RYR3: variants seen among roughly 807,000 people sequenced by gnomAD.
RYR3 encodes the protein ryanodine receptor 3, also known as brain ryanodine receptor-calcium release channel.
RYR3 carries 207 observed loss-of-function variants against 584.3 expected under a neutral mutation model. That is an observed-to-expected ratio of 0.35 (90% CI 0.32 to 0.40). The LOEUF (loss-of-function observed/expected upper bound fraction) is 0.40, where lower values mean the gene tolerates loss of function less well. Ranked by LOEUF, RYR3 falls within the 10% of genes least tolerant of loss-of-function variation. RYR3 has a pLI of 1.00. For missense variants in RYR3, 5,616 were observed against 6,089.2 expected (o/e 0.92, Z 2.59); for synonymous variants, 2,416 against 2,248.5 (o/e 1.07, Z -2.11).
intron 1 of RYR3, among the ~76,000 whole-genome samples, chr15:33,451,278 C>T (rs1049867953): frequency 2.6e-5 from 4 of 152,154 alleles, no homozygotes; most frequent in Middle Eastern, 3.2e-3. Flanking sequence ...TCTATTCAAA[C>T]GGGCACCCTG....
intron 60 of RYR3, among the ~76,000 whole-genome samples, chr15:33,760,561 A>G (rs1228170685): frequency 6.6e-6 from 1 of 152,234 alleles, no homozygotes; most frequent in African/African-American, 2.4e-5. Flanking sequence ...TAACTATCCT[A>G]AATATATGTG....
chr15:33,572,097 T>G (rs1183507822), intron 12 of RYR3, among the ~76,000 whole-genome samples: 3 of 152,226 alleles, frequency 2.0e-5, no homozygotes, highest in Non-Finnish European at 4.4e-5. Context: ...TACTCCTTTG[T>G]GATAATATTG....
At chr15:33,683,293 C>T (rs1015785067) in intron 38 of RYR3, among the ~76,000 whole-genome samples, 4 of 151,806 alleles carry the variant, frequency 2.6e-5, no homozygotes, top group Admixed American at 6.6e-5. Context: ...CGCGCCCAGC[C>T]GAGAGTCATG....
intron 88 of RYR3, 77 bp from the exon 89 acceptor site, chr15:33,837,554 A>G: frequency 6.9e-7 from 1 of 1,448,262 alleles, no homozygotes; most frequent in Non-Finnish European, 9.1e-7. Context: ...AGTCTTCTAA[A>G]AATAGCTACC....
chr15:33,365,001 A>G (rs1015380640), intron 1 of RYR3, among the ~76,000 whole-genome samples: 1 of 152,206 alleles, frequency 6.6e-6, no homozygotes, highest in Non-Finnish European at 1.5e-5. Context: ...GGCAAAAAGG[A>G]CACATACTGA....
At chr15:33,708,926 CG>C (rs1261567946) in intron 43 of RYR3, among the ~76,000 whole-genome samples, 1 of 151,162 alleles carries the variant, frequency 6.6e-6, no homozygotes, top group Non-Finnish European at 1.5e-5. Context: ...AATAGAATGA[CG>C]GGGTGAGTGC....
chr15:33,713,408 GT>G lies in RYR3; in HGVS notation c.6619+6355del, dbSNP rs1444598399. 2.0e-5 allele frequency among the ~76,000 whole-genome samples: 3 copies of G among 151,922 alleles called. 1 individual carries two copies. The highest frequency in any genetic ancestry group is 4.4e-5 in the Non-Finnish European group (3 of 67,982). On this transcript the variant is annotated intron_variant, in intron 43 of 103. Coordinates refer to ENST00000634891, the MANE Select transcript of RYR3 (RefSeq NM_001036.6). ...AGTGAAGGTAGACATGGTGATGGTG[GT>G]GGCTGATGATGATGGTGATGATGGG...
At chr15:33,479,582 A>G (rs1471753778) in intron 2 of RYR3, among the ~76,000 whole-genome samples, 1 of 151,030 alleles carries the variant, frequency 6.6e-6, no homozygotes, top group Non-Finnish European at 1.5e-5. Flanking sequence ...TTATGACTCT[A>G]TAAAGCAAAC....
intron 2 of RYR3, among the ~76,000 whole-genome samples, chr15:33,489,294 T>C (rs931438556): frequency 9.2e-5 from 14 of 152,152 alleles, no homozygotes; most frequent in Non-Finnish European, 1.8e-4. Context: ...TTGTACAGAG[T>C]ATTTCATCAT....
At chr15:33,751,368 C>T (rs954232238) in intron 57 of RYR3, among the ~76,000 whole-genome samples, 12 of 152,276 alleles carry the variant, frequency 7.9e-5, no homozygotes, top group Non-Finnish European at 1.6e-4. Context: ...AAAAGTATTC[C>T]TATATCTCCA....
intron 3 of RYR3, among the ~76,000 whole-genome samples, chr15:33,510,034 T>C (rs1359315856): frequency 6.6e-6 from 1 of 152,224 alleles, no homozygotes; most frequent in African/African-American, 2.4e-5. Context: ...GCAAAAATAA[T>C]GTTTTTTTAT....
intron 2 of RYR3, among the ~76,000 whole-genome samples, chr15:33,496,869 T>C (rs1417315629): frequency 1.3e-5 from 2 of 152,096 alleles, no homozygotes; most frequent in Admixed American, 1.3e-4. Flanking sequence ...ATTTCCTTTT[T>C]TTGTAATGTT....
intron 2 of RYR3, among the ~76,000 whole-genome samples, chr15:33,477,796 A>T (rs543065734): frequency 7.7e-6 from 1 of 129,428 alleles, no homozygotes; most frequent in East Asian, 2.2e-4. Flanking sequence ...AATGGCATGA[A>T]CCCGGGAGGC....
chr15:33,551,977 G>A (rs1266237889), intron 10 of RYR3, among the ~76,000 whole-genome samples: 2 of 152,160 alleles, frequency 1.3e-5, no homozygotes, highest in Non-Finnish European at 2.9e-5. Flanking sequence ...ATGACTCATC[G>A]TGGCTAATGA....
At chr15:33,685,613 C>T (rs566589738) in intron 38 of RYR3, among the ~76,000 whole-genome samples, 1 of 152,362 alleles carries the variant, frequency 6.6e-6, no homozygotes, top group African/African-American at 2.4e-5. Flanking sequence ...CTACAGAACT[C>T]TCTACCCCAA....
rs139794691 is a variant in RYR3, at chr15:33,456,301, C to A, written c.52-17118C>A. On this transcript the variant is annotated intron_variant, in intron 1 of 103. Coordinates refer to ENST00000634891, the MANE Select transcript of RYR3 (RefSeq NM_001036.6). ...CTTCAACAGAGCCCAAAGAATTGAT[C>A]GCGCAGAATGCCAAGAGGATTAACT... is the stretch of plus-strand genomic sequence containing the variant. Among the ~76,000 whole-genome samples, 46 of 152,270 alleles carry A rather than the reference C, an allele frequency of 3.0e-4. No homozygotes were observed. In the South Asian group the frequency reaches 9.3e-3, roughly 31 times the overall value.
At chr15:33,822,586 C>T (rs572936137) in intron 80 of RYR3, among the ~76,000 whole-genome samples, 1 of 152,188 alleles carries the variant, frequency 6.6e-6, no homozygotes, top group South Asian at 2.1e-4. Flanking sequence ...AACAAAGTTC[C>T]TACCTTCCAG....
chr15:33,752,861 T>A (rs1349292718), intron 57 of RYR3, among the ~76,000 whole-genome samples: 4 of 152,206 alleles, frequency 2.6e-5, no homozygotes, highest in African/African-American at 7.2e-5. Flanking sequence ...GGGTTTATCA[T>A]AAATAGCTGT....
chr15:33,743,437 A>C (rs2070371382), intron 52 of RYR3, among the ~76,000 whole-genome samples: 1 of 152,242 alleles, frequency 6.6e-6, no homozygotes, highest in South Asian at 2.1e-4. Flanking sequence ...AAAAGTAGCC[A>C]TAGAGAAAAC....
Sources: gnomAD v4.1 joint callset for allele counts (sites outside exome capture counted in the v4.1 genomes callset) on GRCh38, gnomAD v4.1.1 for gene constraint, MANE v1.5 for transcripts, NCBI Gene and HGNC (gene_info 2026-07-23, HGNC 2026-07-21) for gene names.